GPC5: variants seen among roughly 807,000 people sequenced by gnomAD.
GPC5 encodes the protein glypican-5.
A neutral mutation model predicts 53.9 loss-of-function variants in GPC5; 47 were observed. That is an observed-to-expected ratio of 0.87 (90% CI 0.69 to 1.11). The LOEUF (loss-of-function observed/expected upper bound fraction) is 1.11. Among genes scored for constraint, GPC5 ranks in the 50% most tolerant of loss-of-function variants. The pLI, the probability that GPC5 is intolerant of heterozygous loss-of-function variation, is 0.00. For missense variants in GPC5, 748 were observed against 713.1 expected (o/e 1.05, Z -0.56); for synonymous variants, 286 against 263.3 (o/e 1.09, Z -0.84).
rs527828301 is a variant in GPC5, at chr13:91,596,375, A to G, written c.326-96812A>G. ...GATTACATTAGTATGGCTAGATCAC[A>G]TGCTATGTGGTTAAATATATTGTTA... On this transcript the variant is annotated intron_variant, in intron 2 of 7. Transcript: ENST00000377067. Among the ~76,000 whole-genome samples the G allele has an allele frequency of 1.1e-4, 17 of 152,304 alleles. No homozygotes were observed. In the East Asian group the frequency reaches 3.1e-3, roughly 28 times the overall value.
At chr13:92,760,407 T>C (rs1875116708) in intron 7 of GPC5, among the ~76,000 whole-genome samples, 1 of 152,066 alleles carries the variant, frequency 6.6e-6, no homozygotes, top group Non-Finnish European at 1.5e-5. Flanking sequence ...CTTGTTAGAT[T>C]GTATTTTTCT....
chr13:91,479,041 T>C (rs1341535695), intron 2 of GPC5, among the ~76,000 whole-genome samples: 1 of 151,046 alleles, frequency 6.6e-6, no homozygotes, highest in South Asian at 2.1e-4. Flanking sequence ...GCCTCCGAAG[T>C]AGCTGGGACT....
intron 2 of GPC5, among the ~76,000 whole-genome samples, chr13:91,599,656 A>G (rs562986740): frequency 1.2e-4 from 18 of 152,356 alleles, no homozygotes; most frequent in Admixed American, 1.0e-3. Context: ...ATTAATTTAC[A>G]TAAGTTACAA....
intron 5 of GPC5, among the ~76,000 whole-genome samples, chr13:91,866,854 TA>T (rs2039090049): frequency 6.6e-6 from 1 of 152,254 alleles, no homozygotes; most frequent in African/African-American, 2.4e-5. Context: ...TGTGCTTTAA[TA>T]ATTGATTCAC....
chr13:92,201,676 ACAATG>A (rs1169515589), intron 7 of GPC5, among the ~76,000 whole-genome samples: 1 of 152,228 alleles, frequency 6.6e-6, no homozygotes, highest in Non-Finnish European at 1.5e-5. Flanking sequence ...TGATTCAGGT[ACAATG>A]CAACTACAGG....
intron 6 of GPC5, among the ~76,000 whole-genome samples, chr13:91,990,085 C>T (rs539128454): frequency 2.6e-5 from 4 of 152,196 alleles, no homozygotes; most frequent in Non-Finnish European, 4.4e-5. Context: ...CTCAGGGTTC[C>T]CATCTATGCT....
intron 1 of GPC5, among the ~76,000 whole-genome samples, chr13:91,401,894 A>G (rs1876982269): frequency 6.6e-6 from 1 of 152,200 alleles, no homozygotes; most frequent in African/African-American, 2.4e-5. Flanking sequence ...GAGAAGGTGT[A>G]AATGTGATTA....
Position 92,401,093 on chromosome 13 carries a change from G to T in GPC5, c.1561+256104G>T, listed in dbSNP as rs1009712628. 4.0e-5 allele frequency among the ~76,000 whole-genome samples: 6 copies of T among 151,574 alleles called. No individual in the cohort carries two copies. The East Asian group carries it at 7.7e-4, about 20-fold the overall frequency. ...AAATGGAGCTTTCAGTGACAGACCT[G>T]TACAGTAGACTGTTGAATTGGCCAA... is the stretch of plus-strand genomic sequence containing the variant. On this transcript the variant is annotated intron_variant, in intron 7 of 7. Coordinates refer to ENST00000377067, the MANE Select transcript of GPC5 (RefSeq NM_004466.6).
intron 7 of GPC5, among the ~76,000 whole-genome samples, chr13:92,174,735 G>A (rs1321568287): frequency 1.3e-5 from 2 of 152,084 alleles, no homozygotes; most frequent in African/African-American, 4.8e-5. Flanking sequence ...ATTCCTCAAG[G>A]TTAAAATAGT....
At chr13:92,083,810 G>T (rs1424674158) in intron 6 of GPC5, among the ~76,000 whole-genome samples, 1 of 152,104 alleles carries the variant, frequency 6.6e-6, no homozygotes, top group Admixed American at 6.6e-5. Context: ...CAGTATAAAA[G>T]CCTTCCTATT....
At chr13:91,628,631 A>T (rs1028198394) in intron 2 of GPC5, among the ~76,000 whole-genome samples, 1 of 152,062 alleles carries the variant, frequency 6.6e-6, no homozygotes, top group Non-Finnish European at 1.5e-5. Context: ...ACTTGATATC[A>T]CCCCTGGCTC....
intron 7 of GPC5, among the ~76,000 whole-genome samples, chr13:92,487,076 G>A (rs970750990): frequency 1.6e-4 from 24 of 152,056 alleles, no homozygotes; most frequent in Middle Eastern, 3.2e-3. Context: ...GGCTGGTCTC[G>A]AACTCCTGAC....
chr13:92,713,957 A>G (rs530746402), intron 7 of GPC5, among the ~76,000 whole-genome samples: 15 of 152,198 alleles, frequency 9.9e-5, no homozygotes, highest in Non-Finnish European at 1.6e-4. Context: ...GCAATTCCAG[A>G]ATTGCAATGC....
chr13:92,641,109 C>T (rs1885581831), intron 7 of GPC5, among the ~76,000 whole-genome samples: 3 of 152,102 alleles, frequency 2.0e-5, no homozygotes, highest in Admixed American at 2.0e-4. Flanking sequence ...CTTGCATGTT[C>T]TCAAAGTGTC....
intron 7 of GPC5, among the ~76,000 whole-genome samples, chr13:92,619,891 T>C (rs143698449): frequency 6.4e-4 from 98 of 152,228 alleles, no homozygotes; most frequent in Non-Finnish European, 1.3e-3. Flanking sequence ...CTAAAACTGA[T>C]TTATTGAATC....
chr13:92,640,144 GTGTGTATGTA>G (rs1469056179), intron 7 of GPC5, among the ~76,000 whole-genome samples: 1 of 151,318 alleles, frequency 6.6e-6, no homozygotes, highest in African/African-American at 2.5e-5. Context: ...ATATATACAC[GTGTGTATGTA>G]TGTGTATATA....
chr13:91,910,195 A>G (rs879455836), intron 6 of GPC5, among the ~76,000 whole-genome samples: 4 of 152,196 alleles, frequency 2.6e-5, no homozygotes, highest in Non-Finnish European at 5.9e-5. Context: ...CCTGGAGATG[A>G]AGAGAAATGT....
chr13:92,773,035 C>T (rs190787621), intron 7 of GPC5, among the ~76,000 whole-genome samples: 6 of 151,842 alleles, frequency 4.0e-5, no homozygotes, highest in African/African-American at 9.7e-5. Flanking sequence ...TTCCTTTTTC[C>T]GATAATAAAA....
intron 7 of GPC5, among the ~76,000 whole-genome samples, chr13:92,627,299 A>G (rs1403190216): frequency 6.6e-6 from 1 of 152,166 alleles, no homozygotes; most frequent in Non-Finnish European, 1.5e-5. Flanking sequence ...GCATGGCATT[A>G]TTTATCATTT....
Sources: gnomAD v4.1 joint callset for allele counts (sites outside exome capture counted in the v4.1 genomes callset) on GRCh38, gnomAD v4.1.1 for gene constraint, MANE v1.5 for transcripts, NCBI Gene and HGNC (gene_info 2026-07-23, HGNC 2026-07-21) for gene names.